RASSF1: variants seen among roughly 807,000 people sequenced by gnomAD.
RASSF1 encodes the protein ras association domain-containing protein 1.
A neutral mutation model predicts 34.3 loss-of-function variants in RASSF1; 33 were observed. The observed-to-expected ratio is 0.96, with a 90% CI of 0.73 to 1.29. The LOEUF (loss-of-function observed/expected upper bound fraction) is 1.29. Ranked by LOEUF, RASSF1 falls within the 50% of genes most tolerant of loss-of-function variation. RASSF1 has a pLI of 0.00. For missense variants in RASSF1, 445 were observed against 471.8 expected, an observed-to-expected ratio of 0.94 and a Z score of 0.53; for synonymous variants, 191 against 195.0, an observed-to-expected ratio of 0.98 and a Z score of 0.17.
At chr3:50,338,176 C>T (rs1703234015) in intron 1 of RASSF1, 165 bp from the exon 2 acceptor site, 1 of 1,361,490 alleles carries the variant, frequency 7.3e-7, no homozygotes, top group Non-Finnish European at 9.3e-7. Flanking sequence ...ATGTTGGCCA[C>T]CTGGGCGTCT....
chr3:50,330,575 A>G lies in RASSF1; in HGVS notation c.*6T>C, dbSNP rs1702899612. 2 of 1,613,772 alleles carry G rather than the reference A, an allele frequency of 1.2e-6. No individual in the cohort carries two copies. The highest frequency in any genetic ancestry group is 1.1e-5 in the South Asian group (1 of 91,072). On this transcript the variant is annotated 3_prime_UTR_variant, in exon 6 of 6. Transcript: ENST00000359365. The surrounding 1 kb of genome is among the most constrained non-coding windows in gnomAD (Gnocchi z 4.5). ...CTGTCTGCCTTCCACCTGGGGGTAC[A>G]AGAGGTCACCCAAGGGGGCAGGCGT...
chr3:50,339,107 T>C (rs1358987445), intron 1 of RASSF1, among the ~76,000 whole-genome samples: 1 of 152,226 alleles, frequency 6.6e-6, no homozygotes, highest in Non-Finnish European at 1.5e-5. Context: ...CACTAGGATG[T>C]CTAAAAGACG....
At chr3:50,335,776 T>C (rs1205570905) in intron 2 of RASSF1, among the ~76,000 whole-genome samples, 4 of 151,774 alleles carry the variant, frequency 2.6e-5, no homozygotes, top group Non-Finnish European at 4.4e-5. Context: ...CGGCTAATTT[T>C]TGTATGTTTA....
intron 1 of RASSF1, among the ~76,000 whole-genome samples, chr3:50,339,082 C>G (rs1703268212): frequency 6.6e-6 from 1 of 152,238 alleles, no homozygotes; most frequent in Non-Finnish European, 1.5e-5. Flanking sequence ...ACTAGATCCT[C>G]CGTGCCAGTA....
In RASSF1 at chr3:50,330,893, G is replaced by C. The variant is rs989982918; in HGVS notation, c.877-166C>G. On this transcript the variant is annotated intron_variant, in intron 5 of 5. Transcript: ENST00000359365. This position sits in a 1 kb window ranked among gnomAD's most constrained non-coding sequence, Gnocchi z 4.5. ...CTGGTAGGATCCCTGACAGCAGTTT[G>C]TATGGAAGATGGGCCCTACAAAACG... Among the ~76,000 whole-genome samples the C allele has an allele frequency of 6.6e-6, 1 of 152,174 alleles. No homozygotes were observed. The highest frequency in any genetic ancestry group is 2.4e-5 in the African/African-American group (1 of 41,422).
intron 5 of RASSF1, among the ~76,000 whole-genome samples, chr3:50,331,131 A>T (rs997179835): frequency 1.3e-5 from 2 of 152,206 alleles, no homozygotes; most frequent in African/African-American, 4.8e-5. Context: ...GCACCAAGGC[A>T]ATTCTTCCTG....
chr3:50,337,046 C>T, intron 2 of RASSF1: 1 of 1,271,738 alleles, frequency 7.9e-7, no homozygotes, highest in Non-Finnish European at 1.0e-6. Flanking sequence ...CCGGCCAGGA[C>T]CCGCGGGGAG....
In RASSF1 at chr3:50,340,584, GC is replaced by G; in HGVS notation, c.221del (p.Gly74AlafsTer79). 6.5e-7 allele frequency: 1 copy of G among 1,549,152 alleles called. No individual in the cohort carries two copies. The highest frequency in any genetic ancestry group is 8.6e-7 in the Non-Finnish European group (1 of 1,158,356). ...WCDLCGDFIW[G>X]VVRKGLQCAH... ...CGCACTGCAGGCCTTTGCGCACGAC[GC>G]CCCAGATGAAGTCGCCACAGAGGTC... is the stretch of plus-strand genomic sequence containing the variant. On this transcript the variant is annotated frameshift_variant, in exon 1 of 6. Coordinates refer to ENST00000359365, the MANE Select transcript of RASSF1 (RefSeq NM_007182.5). LOFTEE classifies it high-confidence loss of function.
chr3:50,339,653 G>A (rs988469270), intron 1 of RASSF1, among the ~76,000 whole-genome samples: 1 of 152,094 alleles, frequency 6.6e-6, no homozygotes, highest in Non-Finnish European at 1.5e-5. Flanking sequence ...ACAGGCATGA[G>A]CCACCGCGCT....
intron 2 of RASSF1, chr3:50,337,681 T>A: frequency 1.2e-6 from 1 of 847,878 alleles, no homozygotes; most frequent in Non-Finnish European, 1.8e-6. Context: ...GCGCGGAGCC[T>A]GGGTCAGCCT....
At chr3:50,333,343 T>C (rs1451822051) in intron 2 of RASSF1, among the ~76,000 whole-genome samples, 1 of 152,236 alleles carries the variant, frequency 6.6e-6, no homozygotes, top group African/African-American at 2.4e-5. Flanking sequence ...GAAAAATCAC[T>C]GTGACATGAT....
chr3:50,330,770 G>A lies in RASSF1; in HGVS notation c.877-43C>T, dbSNP rs71326927. 6.9e-3 allele frequency: 10,992 copies of A among 1,597,526 alleles called. 65 individuals carry two copies. Among genetic ancestry groups the A allele is most frequent in the Middle Eastern group, 0.017 (101 of 6,002 alleles). ...GGAGTGTACAGGCTGCAGAAGGGAT[G>A]GCCAAGCCAGCAGACCCTCCCCAGA... On this transcript the variant is annotated intron_variant, in intron 5 of 5. Coordinates refer to ENST00000359365, the MANE Select transcript of RASSF1 (RefSeq NM_007182.5). This position sits in a 1 kb window ranked among gnomAD's most constrained non-coding sequence, Gnocchi z 4.5.
intron 2 of RASSF1, chr3:50,336,907 G>A: frequency 1.9e-6 from 1 of 530,840 alleles, no homozygotes; most frequent in Non-Finnish European, 3.3e-6. Context: ...GCCCGGCTCA[G>A]GTCTACCACA....
At chr3:50,335,313 CTTTTTTT>C (rs906428880) in intron 2 of RASSF1, among the ~76,000 whole-genome samples, 7 of 107,966 alleles carry the variant, frequency 6.5e-5, no homozygotes, top group South Asian at 3.0e-4. Context: ...CCTATTCTTT[CTTTTTTT>C]TTTTTTTTTT....
chr3:50,335,925 C>CA (rs1047738271), intron 2 of RASSF1, among the ~76,000 whole-genome samples: 1 of 151,984 alleles, frequency 6.6e-6, no homozygotes, highest in African/African-American at 2.4e-5. Context: ...ATTTTTGAGA[C>CA]AGAGTCTCAC....
chr3:50,330,399 C>G lies in RASSF1; in HGVS notation c.*182G>C, dbSNP rs1211193721. 1.2e-6 allele frequency: 1 copy of G among 832,434 alleles called. No homozygotes were observed. Among genetic ancestry groups the G allele is most frequent in the Non-Finnish European group, 1.8e-6 (1 of 545,916 alleles). 51.6% of individuals were successfully genotyped at this position (832,434 alleles called of 1,614,324 possible). Reference sequence around the variant, plus strand: ...GAGGGCAGAGGGGTGCAGAGCCATACCTGGCTACACCCACAGGTGGACACA... The same window carrying G: ...GAGGGCAGAGGGGTGCAGAGCCATAGCTGGCTACACCCACAGGTGGACACA... On this transcript the variant is annotated 3_prime_UTR_variant, in exon 6 of 6. Coordinates refer to ENST00000359365, the MANE Select transcript of RASSF1 (RefSeq NM_007182.5). The surrounding 1 kb of genome is among the most constrained non-coding windows in gnomAD (Gnocchi z 4.5).
At chr3:50,338,105 G>C in intron 1 of RASSF1, 94 bp from the exon 2 acceptor site, 1 of 1,507,652 alleles carries the variant, frequency 6.6e-7, no homozygotes, top group Non-Finnish European at 8.9e-7. Context: ...GCCGCTGCTC[G>C]CCAGGCTCCG....
Position 50,330,783 on chromosome 3 carries a change from G to C in RASSF1, c.877-56C>G. 3 of 1,571,630 alleles carry C rather than the reference G, an allele frequency of 1.9e-6. No homozygotes were observed. The South Asian group carries it at 3.4e-5, about 18-fold the overall frequency. ...TGCAGAAGGGATGGCCAAGCCAGCA[G>C]ACCCTCCCCAGAGAAGACTAGCACC... On this transcript the variant is annotated intron_variant, in intron 5 of 5. Coordinates refer to ENST00000359365, the MANE Select transcript of RASSF1 (RefSeq NM_007182.5). This position sits in a 1 kb window ranked among gnomAD's most constrained non-coding sequence, Gnocchi z 4.5.
chr3:50,332,256 C>T (rs1702978625), intron 2 of RASSF1, 102 bp from the exon 3 acceptor site: 1 of 931,966 alleles, frequency 1.1e-6, no homozygotes, highest in Non-Finnish European at 1.7e-6. Flanking sequence ...GCCTTTGGCC[C>T]CCTGTCCCTG....
Sources: gnomAD v4.1 joint callset for allele counts (sites outside exome capture counted in the v4.1 genomes callset) on GRCh38, gnomAD v4.1.1 for gene constraint, Gnocchi (gnomAD v3.1) non-coding constraint, MANE v1.5 for transcripts, NCBI Gene and HGNC (gene_info 2026-07-23, HGNC 2026-07-21) for gene names.